PHF21B: variants seen among roughly 807,000 people sequenced by gnomAD.
PHF21B encodes PHD finger protein 4.
PHF21B carries 22 observed loss-of-function variants against 62.2 expected under a neutral mutation model. That is an observed-to-expected ratio of 0.35 (90% confidence interval 0.25 to 0.51). The LOEUF (loss-of-function observed/expected upper bound fraction) is 0.51. Among genes scored for constraint, PHF21B ranks in the 20% least tolerant of loss-of-function variants. The pLI is 0.97. For synonymous variants in PHF21B, 341 were observed against 314.7 expected (o/e 1.08, Z -0.88); for missense variants, 701 against 707.9 (o/e 0.99, Z 0.11).
chr22:44,978,389 T>C (rs961183224), intron 2 of PHF21B, among the ~76,000 whole-genome samples: 3 of 152,170 alleles, frequency 2.0e-5, no homozygotes, highest in Non-Finnish European at 2.9e-5. Context: ...AGATGGAGAC[T>C]CCCTGCGATG....
At chr22:44,958,598 ATTTTTTTTT>A (rs59943293) in intron 2 of PHF21B, among the ~76,000 whole-genome samples, 1 of 75,886 alleles carries the variant, frequency 1.3e-5, no homozygotes, top group Non-Finnish European at 2.2e-5. Context: ...CCTTCCTTTG[ATTTTTTTTT>A]TTTTTTTTTT....
At chr22:44,985,287 G>C (rs577417926) in intron 2 of PHF21B, among the ~76,000 whole-genome samples, 2 of 152,118 alleles carry the variant, frequency 1.3e-5, no homozygotes, top group Admixed American at 1.3e-4. Flanking sequence ...TCAGAACAGA[G>C]AGGACTTTCA....
intron 2 of PHF21B, among the ~76,000 whole-genome samples, chr22:44,996,871 T>C (rs2073131502): frequency 6.6e-6 from 1 of 151,908 alleles, no homozygotes; most frequent in African/African-American, 2.4e-5. Context: ...CATGCATACA[T>C]GCAGACGCAC....
Position 44,894,420 on chromosome 22 carries a change from T to C in PHF21B, c.884-887A>G, listed in dbSNP as rs112525854. ...CTGAGGTTCGGAGTGGGGAAGGACCTTGCCTAGGGACTCCGGCCAGTGCAC... is the reference window on the plus strand; with the variant it reads ...CTGAGGTTCGGAGTGGGGAAGGACCCTGCCTAGGGACTCCGGCCAGTGCAC... On this transcript the variant is annotated intron_variant, in intron 6 of 12. Coordinates refer to ENST00000313237, the MANE Select transcript of PHF21B (RefSeq NM_138415.5). Among the ~76,000 whole-genome samples, 260 of 152,276 alleles carry C rather than the reference T, an allele frequency of 1.7e-3. 1 individual carries two copies. Among genetic ancestry groups the C allele is most frequent in the African/African-American group, 5.9e-3 (246 of 41,564 alleles).
At chr22:44,960,843 T>A (rs1356491869) in intron 2 of PHF21B, among the ~76,000 whole-genome samples, 1 of 151,976 alleles carries the variant, frequency 6.6e-6, no homozygotes, top group African/African-American at 2.4e-5. Context: ...CTTTCTCAGG[T>A]CTCCAGCCTC....
chr22:44,892,528 C>T (rs902776705), intron 7 of PHF21B, among the ~76,000 whole-genome samples: 1 of 152,216 alleles, frequency 6.6e-6, no homozygotes, highest in African/African-American at 2.4e-5. Context: ...GGAGGTGAGA[C>T]AGCACTTTCC....
chr22:44,973,769 G>A (rs368600212), intron 2 of PHF21B, among the ~76,000 whole-genome samples: 29 of 152,090 alleles, frequency 1.9e-4, no homozygotes, highest in African/African-American at 6.5e-4. Context: ...GGGTGGGGTC[G>A]CCATGGGAGA....
intron 2 of PHF21B, among the ~76,000 whole-genome samples, chr22:44,970,011 C>T (rs2072606964): frequency 6.6e-6 from 1 of 152,214 alleles, no homozygotes; most frequent in Non-Finnish European, 1.5e-5. Context: ...CTTCATGAAA[C>T]TACAGGTGGT....
At chr22:44,916,158 C>T (rs1317078477) in intron 4 of PHF21B, 122 bp downstream of exon 4, 7 of 914,066 alleles carry the variant, frequency 7.7e-6, no homozygotes, top group Non-Finnish European at 1.2e-5. Context: ...TCCACTTGAT[C>T]ATTCTGCCTC....
intron 2 of PHF21B, among the ~76,000 whole-genome samples, chr22:44,974,611 T>G (rs2072702809): frequency 6.6e-6 from 1 of 152,140 alleles, no homozygotes; most frequent in South Asian, 2.1e-4. Context: ...GCGGGTCACT[T>G]CCGGGCCCTC....
At chr22:44,985,672 G>T (rs6007403) in intron 2 of PHF21B, among the ~76,000 whole-genome samples, 1 of 152,062 alleles carries the variant, frequency 6.6e-6, no homozygotes, top group Admixed American at 6.5e-5. Context: ...AGATAATATG[G>T]GAGATAATAT....
At chr22:44,912,489 A>G (rs2071359613) in intron 5 of PHF21B, among the ~76,000 whole-genome samples, 1 of 152,082 alleles carries the variant, frequency 6.6e-6, no homozygotes, top group African/African-American at 2.4e-5. Flanking sequence ...TAGGTCTCAC[A>G]AGATCTGATG....
chr22:45,009,014 T>G lies in PHF21B; in HGVS notation c.55-404A>C. ...TAAATATTCAAGTCGCGTCCTAATC[T>G]CCCCAACACACACACGCGCACGCCG... On this transcript the variant is annotated intron_variant, in intron 1 of 12. Coordinates refer to ENST00000313237, the MANE Select transcript of PHF21B (RefSeq NM_138415.5). This position sits in a 1 kb window ranked among gnomAD's most constrained non-coding sequence, Gnocchi z 5.9. 1 of 1,110,972 alleles carries G rather than the reference T, an allele frequency of 9.0e-7. No individual in the cohort carries two copies. Among genetic ancestry groups the G allele is most frequent in the Non-Finnish European group, 1.1e-6 (1 of 911,330 alleles). 68.8% of individuals were successfully genotyped at this position (1,110,972 alleles called of 1,614,324 possible).
At chr22:44,988,623 T>C (rs1244437834) in intron 2 of PHF21B, among the ~76,000 whole-genome samples, 1 of 152,214 alleles carries the variant, frequency 6.6e-6, no homozygotes, top group Non-Finnish European at 1.5e-5. Flanking sequence ...CATTTTGTCC[T>C]CTGCTAGAAC....
At chr22:44,929,376 G>A (rs779518040) in intron 2 of PHF21B, among the ~76,000 whole-genome samples, 5 of 152,140 alleles carry the variant, frequency 3.3e-5, no homozygotes, top group East Asian at 3.9e-4. Flanking sequence ...CAGACATCCC[G>A]CCTTCATGAG....
intron 2 of PHF21B, among the ~76,000 whole-genome samples, chr22:44,951,231 C>G (rs185384559): frequency 6.6e-6 from 1 of 152,178 alleles, no homozygotes; most frequent in Non-Finnish European, 1.5e-5. Context: ...CCAGCATCAC[C>G]GCCTCAGCTC....
chr22:44,938,823 A>G (rs2071899574), intron 2 of PHF21B, among the ~76,000 whole-genome samples: 1 of 152,212 alleles, frequency 6.6e-6, no homozygotes, highest in Admixed American at 6.5e-5. Flanking sequence ...TGGGGCAGGA[A>G]ATCTGGATGC....
Position 45,009,089 on chromosome 22 carries a change from G to T in PHF21B, c.54+407C>A. The T allele has an allele frequency of 1.9e-6, 2 of 1,055,606 alleles. No homozygotes were observed. Among genetic ancestry groups the T allele is most frequent in the Non-Finnish European group, 1.2e-6 (1 of 851,466 alleles). 65.4% of individuals were successfully genotyped at this position (1,055,606 alleles called of 1,614,324 possible). A position where few individuals can be genotyped will look rare whatever the true frequency, so the allele number is the denominator to read the frequency against. The stretch of plus-strand genomic sequence containing the variant: ...ACGCCGCCGCTCGCCAGCAGCGATC[G>T]CCAAAACTACTTCTGCACACCGGGC... On this transcript the variant is annotated intron_variant, in intron 1 of 12. Coordinates refer to ENST00000313237, the MANE Select transcript of PHF21B (RefSeq NM_138415.5). The surrounding 1 kb of genome is among the most constrained non-coding windows in gnomAD (Gnocchi z 5.9).
intron 5 of PHF21B, among the ~76,000 whole-genome samples, chr22:44,898,504 G>A (rs967045595): frequency 1.3e-5 from 2 of 152,106 alleles, no homozygotes; most frequent in Non-Finnish European, 2.9e-5. Context: ...AAGTCACCAT[G>A]GGCAGCTCAC....
Sources: allele counts gnomAD v4.1 joint callset (sites outside exome capture counted in the v4.1 genomes callset), GRCh38; gene constraint gnomAD v4.1.1; non-coding constraint Gnocchi (gnomAD v3.1); transcripts MANE v1.5; gene names NCBI Gene and HGNC (gene_info 2026-07-23, HGNC 2026-07-21).